DNAH1: variants seen among roughly 807,000 people sequenced by gnomAD.
DNAH1 encodes the protein axonemal beta dynein heavy chain 1.
A neutral mutation model predicts 484.3 loss-of-function variants in DNAH1; 327 were observed. The ratio of observed to expected loss-of-function variants is 0.68; its 90% CI spans 0.62 to 0.74. DNAH1 has a LOEUF of 0.74. Ranked by LOEUF, DNAH1 falls within the 30% of genes least tolerant of loss-of-function variation. The pLI, the probability that DNAH1 is intolerant of heterozygous loss-of-function variation, is 0.00. For missense variants in DNAH1, 5,052 were observed against 5,546.8 expected (o/e 0.91, Z 2.83); for synonymous variants, 2,192 against 2,191.9 (o/e 1.00, Z 0.00).
In DNAH1 at chr3:52,394,553, G is replaced by A. The variant is rs761172905; in HGVS notation, c.10715G>A (p.Arg3572Gln). ...GACTGGCTGTCAGACCGGGCTTGGC[G>A]AGACATCCTAGCACTCTCGAACCTG... The part of the protein sequence containing the change: ...APDWLSDRAW[R>Q]DILALSNLPT... The change falls in exon 67 of 78, where the codon CGA (arginine) becomes CAA (glutamine). Residue 3572 changes from arginine (R) to glutamine (Q), a missense_variant. Arg to Gln is a conservative substitution (Grantham distance 43). Around this residue, in one of 4 missense-constraint regions of DNAH1, gnomAD observed 853 missense variants for 899.0 expected, o/e 0.95. Transcript: ENST00000420323. 8.1e-6 allele frequency: 13 copies of A among 1,613,782 alleles called. No individual in the cohort carries two copies. Among genetic ancestry groups the A allele is most frequent in the African/African-American group, 2.7e-5 (2 of 74,926 alleles).
At chr3:52,312,469 C>G (rs1009579161), upstream of DNAH1, among the ~76,000 whole-genome samples, 1 of 149,678 alleles carries the variant, frequency 6.7e-6, no homozygotes, top group African/African-American at 2.5e-5. Context: ...AGTATTGCCA[C>G]GCTTTTTTTT....
intron 5 of DNAH1, among the ~76,000 whole-genome samples, chr3:52,327,215 C>G (rs1319784891): frequency 6.6e-6 from 1 of 152,090 alleles, no homozygotes; most frequent in Non-Finnish European, 1.5e-5. Context: ...GACCAGTGCC[C>G]GCCTCAGGGT....
At chr3:52,369,719 A>C in intron 37 of DNAH1, 106 bp from the exon 38 acceptor site, 1 of 1,256,682 alleles carries the variant, frequency 8.0e-7, no homozygotes. Context: ...GCCTGCCCAC[A>C]CCGCCCACTT....
rs1703780571 is a variant in DNAH1 at position 52,380,144 on chromosome 3, C to T, written c.7608+9C>T. ...TCACCAGTGAGAGTAAGGTGAGGGG[C>T]CCAGGCAGGCGCCCTGCCCCTGGTG... On this transcript the variant is annotated intron_variant, in intron 48 of 77. Coordinates refer to ENST00000420323, the MANE Select transcript of DNAH1 (RefSeq NM_015512.5). The T allele has an allele frequency of 6.4e-7, 1 of 1,574,424 alleles. No individual in the cohort carries two copies. The highest frequency in any genetic ancestry group is 1.8e-5 in the Admixed American group (1 of 54,102).
chr3:52,399,303 G>T, intron 76 of DNAH1, 102 bp downstream of exon 76: 1 of 1,265,354 alleles, frequency 7.9e-7, no homozygotes, highest in Non-Finnish European at 1.1e-6. Context: ...GGACCCCTAA[G>T]CCAGGGCATG....
Position 52,369,856 on chromosome 3 carries a change from T to A in DNAH1, c.5975T>A (p.Leu1992Gln), listed in dbSNP as rs1444420443. The change falls in exon 38 of 78, where the codon CTG (leucine) becomes CAG (glutamine). Residue 1992 changes from leucine (L) to glutamine (Q), a missense_variant. Coordinates refer to ENST00000420323, the MANE Select transcript of DNAH1 (RefSeq NM_015512.5). The part of the protein sequence containing the change: ...AMTMMFEVQD[L>Q]AVASPATVSR... ...ACCATGATGTTCGAGGTGCAAGACC[T>A]GGCGGTGGCTTCACCAGCTACAGTC... is the stretch of plus-strand genomic sequence containing the variant. 2.5e-6 allele frequency: 4 copies of A among 1,612,522 alleles called. No homozygotes were observed. The highest frequency in any genetic ancestry group is 3.4e-6 in the Non-Finnish European group (4 of 1,178,890).
At chr3:52,370,890 A>C in intron 41 of DNAH1, 65 bp downstream of exon 41, 1 of 1,487,488 alleles carries the variant, frequency 6.7e-7, no homozygotes, top group Non-Finnish European at 9.2e-7. Flanking sequence ...TGTTCCCGCA[A>C]TGAATTATGG....
In DNAH1 at chr3:52,394,589, C is replaced by T; in HGVS notation, c.10751C>T (p.Ser3584Phe). Residue 3584 changes from serine to phenylalanine, a missense_variant, in exon 67 of 78, where the codon TCC (serine) becomes TTC (phenylalanine). Ser to Phe is a radical substitution (Grantham distance 155, BLOSUM62 -2). This residue lies in a region of DNAH1 where 853 missense variants were observed against 899.0 expected (regional missense o/e 0.95). Transcript: ENST00000420323. ...ILALSNLPTFSSFSSDFVKHL... is the reference protein window; with the variant it reads ...ILALSNLPTFFSFSSDFVKHL... ...GCACTCTCGAACCTGCCAACCTTTTCCTCCTTCTCTTCCGACTTCGTGAAG... is the reference window on the plus strand; with the variant it reads ...GCACTCTCGAACCTGCCAACCTTTTTCTCCTTCTCTTCCGACTTCGTGAAG... 1 of 1,610,676 alleles carries T rather than the reference C, an allele frequency of 6.2e-7. No individual in the cohort carries two copies. Among genetic ancestry groups the T allele is most frequent in the Non-Finnish European group, 8.5e-7 (1 of 1,177,610 alleles).
At chr3:52,382,253 C>G in intron 49 of DNAH1, 67 bp from the exon 50 acceptor site, 1 of 1,609,852 alleles carries the variant, frequency 6.2e-7, no homozygotes, top group Non-Finnish European at 8.5e-7. Context: ...AGGGTGTGGT[C>G]ACCCACCACC....
At position 52,372,985 on chromosome 3, in the gene DNAH1, C is replaced by T. The variant is rs373339863; in HGVS notation, c.6917C>T (p.Ala2306Val). The T allele has an allele frequency of 1.9e-6, 3 of 1,613,642 alleles. No homozygotes were observed. In the African/African-American group the frequency reaches 4.0e-5, roughly 22 times the overall value. The change falls in exon 44 of 78, where the codon GCA becomes GTA. Residue 2306 changes from alanine to valine, a missense_variant. By Grantham distance (64) the Ala-to-Val change is moderately conservative (BLOSUM62 0). This residue lies in a region of DNAH1 where 2,929 missense variants were observed against 3,409.4 expected (regional missense o/e 0.86). Transcript: ENST00000420323. ...ATGCCGGCCCTGGAGACCTACGGTG[C>T]ACAGCCACCCATCGAGCTGTTGCGC... ...LNMPALETYG[A>V]QPPIELLRQW...
chr3:52,351,294 C>T (rs1169295425), intron 16 of DNAH1, among the ~76,000 whole-genome samples: 2 of 152,228 alleles, frequency 1.3e-5, no homozygotes, highest in Non-Finnish European at 2.9e-5. Context: ...AGTCAAAAGC[C>T]TTGTGGGAAA....
In DNAH1 at chr3:52,353,376, G is replaced by C. The variant is rs758277364; in HGVS notation, c.3227-4G>C. The C allele has an allele frequency of 3.1e-6, 5 of 1,608,958 alleles. No homozygotes were observed. In the Admixed American group the frequency reaches 8.3e-5, roughly 27 times the overall value. ...CTCTCATGCGTTTCTGTCTTACCCG[G>C]CAGCCTGCCAGGAAGTGGCCTTGGA... On this transcript the variant is annotated splice_region_variant and splice_polypyrimidine_tract_variant and intron_variant, in intron 19 of 77. Coordinates refer to ENST00000420323, the MANE Select transcript of DNAH1 (RefSeq NM_015512.5). This position sits in a 1 kb window ranked among gnomAD's most constrained non-coding sequence, Gnocchi z 5.0.
intron 25 of DNAH1, among the ~76,000 whole-genome samples, chr3:52,359,017 G>A (rs879645606): frequency 1.3e-5 from 2 of 152,026 alleles, no homozygotes; most frequent in Non-Finnish European, 2.9e-5. Flanking sequence ...GACCATAACC[G>A]GCAGCTGGGC....
rs1424282408 is a variant in DNAH1 at position 52,397,870 on chromosome 3, G to A, written c.11951G>A (p.Arg3984Gln). 1.6e-5 allele frequency: 25 copies of A among 1,600,294 alleles called. No individual in the cohort carries two copies. Among genetic ancestry groups the A allele is most frequent in the Non-Finnish European group, 2.0e-5 (24 of 1,172,534 alleles). ...PKSSSAGSQG[R>Q]EEIVEDVTQN... ...TCATCTTCTGCAGGCAGCCAGGGCC[G>A]GGAGGAGGTGGGTGGTGTCAGAGTA... Residue 3984 changes from arginine to glutamine, a missense_variant, in exon 74 of 78, where the codon CGG becomes CAG. This residue lies in a region of DNAH1 where 853 missense variants were observed against 899.0 expected (regional missense o/e 0.95). Transcript: ENST00000420323.
At position 52,358,587 on chromosome 3, in the gene DNAH1, G is replaced by A. The variant is rs751538912; in HGVS notation, c.4116G>A (p.Thr1372=). 2.2e-5 allele frequency: 35 copies of A among 1,612,020 alleles called. No homozygotes were observed. The highest frequency in any genetic ancestry group is 3.3e-4 in the Middle Eastern group (2 of 6,042). ...RLLFQEDLEI[T]HMYSAEGEEV... ...TATTCCAGGAGGACCTGGAGATCAC[G>A]CACATGTACTCAGCCGAGGGGGAGG... The change falls in exon 25 of 78, where the codon ACG becomes ACA. Residue 1372 remains threonine, a synonymous_variant. Coordinates refer to ENST00000420323, the MANE Select transcript of DNAH1 (RefSeq NM_015512.5). This position sits in a 1 kb window ranked among gnomAD's most constrained non-coding sequence, Gnocchi z 4.2.
intron 14 of DNAH1, 49 bp from the exon 15 acceptor site, chr3:52,349,940 G>A: frequency 1.3e-6 from 2 of 1,557,944 alleles, no homozygotes; most frequent in African/African-American, 1.4e-5. Flanking sequence ...GGTGAGGGAA[G>A]GCAAGGGAGC....
rs1703741086 is a variant in DNAH1, at chr3:52,379,401, G to T, written c.7378-504G>T. Among the ~76,000 whole-genome samples, 1 of 152,162 alleles carries T rather than the reference G, an allele frequency of 6.6e-6. No homozygotes were observed. The highest frequency in any genetic ancestry group is 1.5e-5 in the Non-Finnish European group (1 of 68,032). ...AGAAAAGGCTGGGAGCTTCCGGAGG[G>T]CAGTCCTGCCACCCAGGGAGATGCA... On this transcript the variant is annotated intron_variant, in intron 47 of 77. Coordinates refer to ENST00000420323, the MANE Select transcript of DNAH1 (RefSeq NM_015512.5). This position sits in a 1 kb window ranked among gnomAD's most constrained non-coding sequence, Gnocchi z 4.4.
upstream of DNAH1, among the ~76,000 whole-genome samples, chr3:52,315,853 C>T (rs182048581): frequency 7.2e-5 from 11 of 152,278 alleles, no homozygotes; most frequent in Admixed American, 7.2e-4. Context: ...CCCCTGAGAC[C>T]CAGGAGAACA....
At position 52,399,132 on chromosome 3, in the gene DNAH1, A is replaced by G. The variant is rs1559579363; in HGVS notation, c.12372A>G (p.Leu4124=). The G allele has an allele frequency of 6.2e-7, 1 of 1,613,954 alleles. No individual in the cohort carries two copies. The part of the protein sequence containing the change: ...ISGFFFPQAF[L]TGTLQNFARK... The stretch of plus-strand genomic sequence containing the variant: ...GATTCTTCTTCCCCCAGGCTTTCTT[A>G]ACAGGCACTCTGCAGAATTTTGCCC... Residue 4124 remains leucine, a synonymous_variant, in exon 76 of 78, where the codon TTA becomes TTG. Coordinates refer to ENST00000420323, the MANE Select transcript of DNAH1 (RefSeq NM_015512.5).
Sources: gnomAD v4.1 joint callset for allele counts (sites outside exome capture counted in the v4.1 genomes callset) on GRCh38, gnomAD v4.1.1 for gene constraint, gnomAD v4.1.1 regional missense constraint, Gnocchi (gnomAD v3.1) non-coding constraint, MANE v1.5 for transcripts, NCBI Gene and HGNC (gene_info 2026-07-23, HGNC 2026-07-21) for gene names.